Variants in SOX6 observed in about 807,000 individuals in gnomAD.
The protein encoded by SOX6 is transcription factor SOX-6.
In SOX6, 11 loss-of-function variants were observed where a neutral mutation model predicts 97.8. The observed-to-expected ratio is 0.11, with a 90% CI of 0.07 to 0.19. The LOEUF (loss-of-function observed/expected upper bound fraction) is 0.19. SOX6 is among the 10% of genes least tolerant of loss of function. SOX6 has a pLI of 1.00. For missense variants in SOX6, 810 were observed against 1,039.5 expected, an observed-to-expected ratio of 0.78 and a Z score of 3.04; for synonymous variants, 360 against 371.4, an observed-to-expected ratio of 0.97 and a Z score of 0.35.
At chr11:16,441,723 AG>A (rs1859505953) in intron 1 of SOX6, among the ~76,000 whole-genome samples, 1 of 152,182 alleles carries the variant, frequency 6.6e-6, no homozygotes, top group Non-Finnish European at 1.5e-5. Context: ...GCCATAAAAG[AG>A]GTCATTAACA....
At chr11:15,987,169 T>G (rs1853874074) in intron 14 of SOX6, among the ~76,000 whole-genome samples, 1 of 152,236 alleles carries the variant, frequency 6.6e-6, no homozygotes, top group South Asian at 2.1e-4. Flanking sequence ...TTTTTTTACA[T>G]GTATCAAATT....
In SOX6 at chr11:16,613,001, T is replaced by A. The variant is rs1019160851; in HGVS notation, n.430-741A>T. The A allele has an allele frequency of 2.0e-5, 3 of 152,432 alleles. No homozygotes were observed. The highest frequency in any genetic ancestry group is 7.2e-5 in the African/African-American group (3 of 41,432). The allele number at this position is 152,432 out of a possible 1,614,324, so 9.4% of individuals were successfully genotyped here. ...CCCCCCCACGATTGAATGGAAGCTC[T>A]GTACTGTACCGACTTCTGGATTTGC... On this transcript the variant is annotated intron_variant and non_coding_transcript_variant, in intron 3 of 5. Transcript: ENST00000524520. The surrounding 1 kb of genome is among the most constrained non-coding windows in gnomAD (Gnocchi z 4.6).
At chr11:16,496,487 A>G (rs1474859358) in intron 4 of SOX6, among the ~76,000 whole-genome samples, 3 of 152,214 alleles carry the variant, frequency 2.0e-5, no homozygotes, top group African/African-American at 4.8e-5. Context: ...CAGTGGGTGC[A>G]ATGCACCGAG....
chr11:16,308,355 T>C (rs1227994879), intron 3 of SOX6, among the ~76,000 whole-genome samples: 1 of 152,216 alleles, frequency 6.6e-6, no homozygotes, highest in Non-Finnish European at 1.5e-5. Context: ...GGCATAGAAT[T>C]TTACAAATTG....
At chr11:15,973,218 T>C in intron 15 of SOX6, 106 bp from the exon 16 acceptor site, 1 of 1,070,544 alleles carries the variant, frequency 9.3e-7, no homozygotes, top group Non-Finnish European at 1.4e-6. Context: ...GAGCCCTAAA[T>C]AAATGTTAAA....
intron 5 of SOX6, among the ~76,000 whole-genome samples, chr11:16,184,631 CA>C (rs1418283571): frequency 6.6e-6 from 1 of 152,104 alleles, no homozygotes; most frequent in Non-Finnish European, 1.5e-5. Flanking sequence ...ATCCAACAAT[CA>C]AATTCAACAT....
At position 16,685,701 on chromosome 11, in the gene SOX6, G is replaced by A. The variant is rs539109872; in HGVS notation, n.429+29129C>T. On this transcript the variant is annotated intron_variant and non_coding_transcript_variant, in intron 3 of 5. Coordinates refer to the SOX6 transcript ENST00000524520. ...GGGAACAAGGTGCAAGCTGTCAGTGGATCTGTCATTCTTGGGTCTGCAGAA... is the reference window on the plus strand; with the variant it reads ...GGGAACAAGGTGCAAGCTGTCAGTGAATCTGTCATTCTTGGGTCTGCAGAA... 2.2e-4 allele frequency among the ~76,000 whole-genome samples: 34 copies of A among 152,376 alleles called. 1 individual carries two copies. In the South Asian group the frequency reaches 7.0e-3, roughly 32 times the overall value.
At chr11:16,093,992 A>G (rs1163205084) in intron 9 of SOX6, among the ~76,000 whole-genome samples, 1 of 151,922 alleles carries the variant, frequency 6.6e-6, no homozygotes, top group Non-Finnish European at 1.5e-5. Flanking sequence ...AGTCCACATG[A>G]GCAAACAGAT....
intron 4 of SOX6, among the ~76,000 whole-genome samples, chr11:16,506,404 AC>A (rs1453588158): frequency 6.6e-6 from 1 of 152,030 alleles, no homozygotes; most frequent in African/African-American, 2.4e-5. Context: ...CAATGCCTAT[AC>A]CCCCATTGTA....
intron 2 of SOX6, among the ~76,000 whole-genome samples, chr11:16,723,641 C>G (rs1285756105): frequency 6.6e-6 from 1 of 152,066 alleles, no homozygotes; most frequent in East Asian, 1.9e-4. Context: ...GAAACCCCAT[C>G]TCTACTAAAA....
intron 4 of SOX6, among the ~76,000 whole-genome samples, chr11:16,508,037 T>TA (rs1320165938): frequency 1.3e-5 from 2 of 151,048 alleles, no homozygotes; most frequent in East Asian, 3.9e-4. Flanking sequence ...ACTCAACTAT[T>TA]AAAAAAAAGG....
At chr11:16,047,290 C>T (rs182235642) in intron 11 of SOX6, among the ~76,000 whole-genome samples, 34 of 152,210 alleles carry the variant, frequency 2.2e-4, no homozygotes, top group African/African-American at 6.7e-4. Context: ...CAGTTGCTGG[C>T]TGGTTAATGA....
chr11:16,014,717 G>C (rs1015991463), intron 13 of SOX6, among the ~76,000 whole-genome samples: 1 of 152,022 alleles, frequency 6.6e-6, no homozygotes, highest in Admixed American at 6.6e-5. Flanking sequence ...TACTTGGATT[G>C]CTAAGTATTC....
chr11:16,180,685 T>G (rs1327901425), intron 6 of SOX6, among the ~76,000 whole-genome samples: 2 of 151,738 alleles, frequency 1.3e-5, no homozygotes, highest in African/African-American at 2.4e-5. Context: ...AAGGTAAAAA[T>G]GGACTCATCA....
intron 1 of SOX6, among the ~76,000 whole-genome samples, chr11:16,365,118 ATTG>A: frequency 6.6e-6 from 1 of 152,142 alleles, no homozygotes; most frequent in East Asian, 1.9e-4. Flanking sequence ...GTTCCATTTT[ATTG>A]TTGTTGTTCA....
rs1554935182 is a variant in SOX6, at chr11:16,139,951, T to TTTTATA, written c.778-28029_778-28028insTATAAA. ...AAAAGTAAAAAACCTGGCTCATATA[T>TTTTATA]TATATATATATATATATATATACAT... On this transcript the variant is annotated intron_variant, in intron 6 of 15. Transcript: ENST00000683767. Among the ~76,000 whole-genome samples the TTTTATA allele has an allele frequency of 2.6e-4, 33 of 124,710 alleles. No homozygotes were observed. The East Asian group carries it at 8.5e-3, about 32-fold the overall frequency. The allele number at this position is 124,710 out of a possible 152,430, so 81.8% of individuals were successfully genotyped here.
Position 16,249,752 on chromosome 11 carries a change from G to A in SOX6, c.446-15081C>T, listed in dbSNP as rs367775917. On this transcript the variant is annotated intron_variant, in intron 3 of 15. Coordinates refer to ENST00000683767, the MANE Select transcript of SOX6 (RefSeq NM_001367873.1). ...GGTAGAAAGCCAAGCTAATCTCATGGCTTACTTTATTTTCCTTCTCTCATA... is the reference window on the plus strand; with the variant it reads ...GGTAGAAAGCCAAGCTAATCTCATGACTTACTTTATTTTCCTTCTCTCATA... 4.6e-5 allele frequency among the ~76,000 whole-genome samples: 7 copies of A among 152,194 alleles called. No individual in the cohort carries two copies. In the East Asian group the frequency reaches 7.7e-4, roughly 17 times the overall value.
At chr11:16,579,771 T>C (rs1325634427) in intron 4 of SOX6, among the ~76,000 whole-genome samples, 2 of 152,148 alleles carry the variant, frequency 1.3e-5, no homozygotes, top group African/African-American at 4.8e-5. Context: ...GTATGTCTTT[T>C]AGTGGACAAA....
At chr11:16,238,057 T>G (rs1401453323) in intron 3 of SOX6, among the ~76,000 whole-genome samples, 1 of 151,962 alleles carries the variant, frequency 6.6e-6, no homozygotes, top group Admixed American at 6.6e-5. Flanking sequence ...TTAATTCCTC[T>G]TACTTTGAAA....
Sources: allele counts gnomAD v4.1 joint callset (sites outside exome capture counted in the v4.1 genomes callset), GRCh38; gene constraint gnomAD v4.1.1; non-coding constraint Gnocchi (gnomAD v3.1); transcripts MANE v1.5; gene names NCBI Gene and HGNC (gene_info 2026-07-23, HGNC 2026-07-21).